Variants in CA5A observed in about 807,000 individuals in gnomAD.
CA5A encodes carbonic anhydrase 5A, mitochondrial.
Under a neutral mutation model 37.1 loss-of-function variants are expected in CA5A, and 28 were observed. That is an observed-to-expected ratio of 0.75 (90% CI 0.56 to 1.03). The LOEUF is 1.03. Ranked by LOEUF, CA5A falls within the 50% of genes least tolerant of loss-of-function variation. CA5A has a pLI of 0.00. For synonymous variants in CA5A, 171 were observed against 158.4 expected, an observed-to-expected ratio of 1.08 and a Z score of -0.60; for missense variants, 444 against 399.9, an observed-to-expected ratio of 1.11 and a Z score of -0.94.
At chr16:87,926,600 C>A (rs2056314652) in intron 2 of CA5A, 148 bp downstream of exon 2, 2 of 642,782 alleles carry the variant, frequency 3.1e-6, no homozygotes, top group Non-Finnish European at 5.4e-6. Context: ...CCAGGTGTGT[C>A]CTCCCTCAAG....
In CA5A at chr16:87,911,886, G is replaced by T. The variant is rs1187449174; in HGVS notation, c.341-6982C>A. Among the ~76,000 whole-genome samples the T allele has an allele frequency of 1.3e-5, 2 of 152,194 alleles. No homozygotes were observed. The highest frequency in any genetic ancestry group is 2.9e-5 in the Non-Finnish European group (2 of 68,030). ...ATGATGCCTACTTCAGGGGCCCATG[G>T]CAAGGATTGAGTACGGTGATGCTTA... is the stretch of plus-strand genomic sequence containing the variant. On this transcript the variant is annotated intron_variant, in intron 2 of 6. Coordinates refer to ENST00000649794, the MANE Select transcript of CA5A (RefSeq NM_001739.2). The surrounding 1 kb of genome is among the most constrained non-coding windows in gnomAD (Gnocchi z 4.6).
intron 2 of CA5A, among the ~76,000 whole-genome samples, chr16:87,905,666 G>C (rs1395978620): frequency 1.3e-5 from 2 of 152,184 alleles, no homozygotes; most frequent in Non-Finnish European, 2.9e-5. Flanking sequence ...GGTGAGCAAG[G>C]TCTTTAAATA....
chr16:87,919,585 C>G (rs1319058818), intron 2 of CA5A, among the ~76,000 whole-genome samples: 1 of 152,206 alleles, frequency 6.6e-6, no homozygotes. Flanking sequence ...TGGGGGAGCA[C>G]TCAGAGCCCT....
chr16:87,882,795 A>G (rs2055619152), intron 4 of CA5A: 1 of 152,398 alleles, frequency 6.6e-6, no homozygotes, highest in Non-Finnish European at 1.5e-5. Flanking sequence ...AAACGTGCCC[A>G]TTTCCCCGCT....
At chr16:87,883,812 A>T (rs2055627598), downstream of CA5A, 1 of 135,790 alleles carries the variant, frequency 7.4e-6, no homozygotes, top group South Asian at 2.4e-4. Context: ...AATTTTTTGC[A>T]TTTTTTTTTA....
chr16:87,912,936 G>A (rs923932184), intron 2 of CA5A, among the ~76,000 whole-genome samples: 3 of 152,224 alleles, frequency 2.0e-5, no homozygotes, highest in East Asian at 1.9e-4. Flanking sequence ...CAACAGGGTC[G>A]GCGCCGGTGG....
chr16:87,894,983 A>T (rs976984430), intron 5 of CA5A, among the ~76,000 whole-genome samples: 11 of 152,104 alleles, frequency 7.2e-5, no homozygotes, highest in Non-Finnish European at 1.3e-4. Flanking sequence ...GGCGCAATGG[A>T]TCATGTCTGT....
chr16:87,929,902 A>G (rs1479896193), intron 1 of CA5A, among the ~76,000 whole-genome samples: 1 of 151,220 alleles, frequency 6.6e-6, no homozygotes, highest in Non-Finnish European at 1.5e-5. Flanking sequence ...AAAAATAAGT[A>G]AACCATCAGA....
Position 87,888,108 on chromosome 16 carries a change from A to G in CA5A, c.*21T>C, listed in dbSNP as rs2143887999. On this transcript the variant is annotated 3_prime_UTR_variant, in exon 7 of 7. Transcript: ENST00000649794. ...TCCTTCCTTCAAAGTCAGTTCTGCTATTCATGTGGACCTAATGTCTCTAGG... is the reference window on the plus strand; with the variant it reads ...TCCTTCCTTCAAAGTCAGTTCTGCTGTTCATGTGGACCTAATGTCTCTAGG... 1 of 1,571,660 alleles carries G rather than the reference A, an allele frequency of 6.4e-7. No homozygotes were observed.
chr16:87,935,538 G>A (rs2056459484), intron 1 of CA5A, among the ~76,000 whole-genome samples: 1 of 152,180 alleles, frequency 6.6e-6, no homozygotes, highest in African/African-American at 2.4e-5. Context: ...CAGGACCCCT[G>A]AAACGGAGGC....
At chr16:87,896,556 A>G (rs2055805565) in intron 5 of CA5A, among the ~76,000 whole-genome samples, 2 of 152,212 alleles carry the variant, frequency 1.3e-5, no homozygotes, top group African/African-American at 4.8e-5. Context: ...CCATTATCTG[A>G]GCACGGATGG....
intron 2 of CA5A, among the ~76,000 whole-genome samples, chr16:87,919,650 C>T (rs144349743): frequency 5.3e-5 from 8 of 152,284 alleles, no homozygotes; most frequent in East Asian, 3.9e-4. Flanking sequence ...GGATCGGAGC[C>T]GGCAAATCTC....
At chr16:87,904,060 A>G (rs7187358) in intron 3 of CA5A, among the ~76,000 whole-genome samples, 24,025 of 152,106 alleles carry the variant, frequency 0.16, 3,076 homozygotes, top group African/African-American at 0.36. Context: ...AGATGATCTT[A>G]GCCGGGTACG....
intron 2 of CA5A, among the ~76,000 whole-genome samples, chr16:87,915,522 CA>C (rs1275588485): frequency 3.6e-5 from 4 of 110,280 alleles, no homozygotes; most frequent in African/African-American, 1.3e-4. Context: ...GATCCTGTGT[CA>C]AAATTTTTTT....
chr16:87,923,994 C>T, intron 2 of CA5A: 1 of 985,316 alleles, frequency 1.0e-6, no homozygotes, highest in African/African-American at 1.7e-5. Flanking sequence ...ACTGAAAAGC[C>T]AATCTGAGTT....
At chr16:87,902,157 C>A (rs1871429525) in intron 4 of CA5A, among the ~76,000 whole-genome samples, 183 bp from the exon 5 acceptor site, 1 of 151,878 alleles carries the variant, frequency 6.6e-6, no homozygotes, top group Non-Finnish European at 1.5e-5. Context: ...AGTTCGAAAC[C>A]AGCCTGGCCA....
intron 2 of CA5A, chr16:87,924,346 G>C: frequency 8.7e-6 from 8 of 918,686 alleles, no homozygotes; most frequent in Non-Finnish European, 1.0e-5. Flanking sequence ...CCTTCGAAAG[G>C]AGAGAGAGAC....
At chr16:87,904,297 G>C (rs1034136653) in intron 3 of CA5A, among the ~76,000 whole-genome samples, 1 of 151,456 alleles carries the variant, frequency 6.6e-6, no homozygotes. Flanking sequence ...AGCCAAGATT[G>C]CACCAATGCA....
chr16:87,935,126 G>T (rs866244006), intron 1 of CA5A, among the ~76,000 whole-genome samples: 6 of 152,230 alleles, frequency 3.9e-5, no homozygotes, highest in Non-Finnish European at 8.8e-5. Context: ...AGCGTCAGTC[G>T]GACTGCATGC....
Sources: gnomAD v4.1 joint callset for allele counts (sites outside exome capture counted in the v4.1 genomes callset) on GRCh38, gnomAD v4.1.1 for gene constraint, Gnocchi (gnomAD v3.1) non-coding constraint, MANE v1.5 for transcripts, NCBI Gene and HGNC (gene_info 2026-07-23, HGNC 2026-07-21) for gene names.